The following DNPH1 variants were observed in gnomAD, a reference collection of about 807,000 sequenced individuals.
DNPH1 encodes 5-hydroxymethyl-dUMP N-hydrolase.
Under a neutral mutation model 15.7 loss-of-function variants are expected in DNPH1, and 18 were observed. That is an observed-to-expected ratio of 1.15 (90% CI 0.79 to 1.70). The LOEUF (loss-of-function observed/expected upper bound fraction) is 1.70. Among genes scored for constraint, DNPH1 ranks in the 40% most tolerant of loss-of-function variants. The pLI, the probability that DNPH1 is intolerant of heterozygous loss-of-function variation, is 0.00. For synonymous variants in DNPH1, 114 were observed against 107.9 expected (o/e 1.06, Z -0.35); for missense variants, 262 against 255.2 (o/e 1.03, Z -0.18).
chr6:43,229,120 A>T lies in DNPH1; in HGVS notation c.196+141T>A, dbSNP rs939592545. The T allele has an allele frequency of 6.6e-6, 6 of 915,400 alleles. No individual in the cohort carries two copies. In the Admixed American group the frequency reaches 1.0e-4, roughly 16 times the overall value. The allele number at this position is 915,400 out of a possible 1,614,324, so 56.7% of individuals were successfully genotyped here. A position where few individuals can be genotyped will look rare whatever the true frequency, so the allele number is the denominator to read the frequency against. On this transcript the variant is annotated intron_variant, in intron 1 of 3. Transcript: ENST00000230431. ...TTTCCTTCTCGGGCTGGGGCGCTGG[A>T]TGGAGCACCGGGGTAGGAGGGCGGG... is the stretch of plus-strand genomic sequence containing the variant.
rs762395628 is a variant in DNPH1 at position 43,225,962 on chromosome 6, TCAGAG to T, written c.376+66_376+70del. Reference sequence around the variant, plus strand: ...TTACCCCTTGGGAGAGGCGCGGTGCTCAGAGCCCACCAGGGAAGGAGCTGAGGGCT... The same window carrying T: ...TTACCCCTTGGGAGAGGCGCGGTGCTCCCACCAGGGAAGGAGCTGAGGGCT... On this transcript the variant is annotated intron_variant, in intron 3 of 3. Coordinates refer to ENST00000230431, the MANE Select transcript of DNPH1 (RefSeq NM_006443.3). 3 of 1,613,204 alleles carry T rather than the reference TCAGAG, an allele frequency of 1.9e-6. No individual in the cohort carries two copies. The South Asian group carries it at 3.3e-5, about 18-fold the overall frequency.
At chr6:43,229,171 C>G in intron 1 of DNPH1, 90 bp downstream of exon 1, 1 of 1,233,890 alleles carries the variant, frequency 8.1e-7, no homozygotes, top group South Asian at 1.8e-5. Flanking sequence ...GCGCAGCTGC[C>G]GGGGGTCGGG....
chr6:43,229,265 C>A lies in DNPH1; in HGVS notation c.192G>T (p.Ala64=). The part of the protein sequence containing the change: ...TEHVAAAELG[A]RGEEAAGGDR... ...CCCGCGGCCCCAGGGCCTCACCGCG[C>A]GCGCCCAGCTCGGCGGCCGCCACGT... Residue 64 remains alanine, a synonymous_variant, in exon 1 of 4, where the codon GCG becomes GCT. Transcript: ENST00000230431. The A allele has an allele frequency of 7.0e-7, 1 of 1,422,888 alleles. No individual in the cohort carries two copies. The highest frequency in any genetic ancestry group is 1.4e-5 in the South Asian group (1 of 70,514). The allele number at this position is 1,422,888 out of a possible 1,614,324, so 88.1% of individuals were successfully genotyped here.
chr6:43,229,361 T>A lies in DNPH1; in HGVS notation c.96A>T (p.Gly32=). ...ALYFCGSIRG[G]REDRTLYERI... is the part of the protein sequence containing the mutation. Reference sequence around the variant, plus strand: ...GCTCGTACAGCGTCCTGTCCTCGCGTCCGCCGCGAATGCTCCCGCAGAAGT... The same window carrying A: ...GCTCGTACAGCGTCCTGTCCTCGCGACCGCCGCGAATGCTCCCGCAGAAGT... The change falls in exon 1 of 4, where the codon GGA becomes GGT. Residue 32 remains glycine (G), a synonymous_variant. Coordinates refer to ENST00000230431, the MANE Select transcript of DNPH1 (RefSeq NM_006443.3). 3.4e-6 allele frequency: 5 copies of A among 1,486,340 alleles called. No individual in the cohort carries two copies. Among genetic ancestry groups the A allele is most frequent in the Non-Finnish European group, 4.5e-6 (5 of 1,119,770 alleles). 92.1% of individuals were successfully genotyped at this position (1,486,340 alleles called of 1,614,324 possible).
Position 43,226,569 on chromosome 6 carries a change from A to G in DNPH1, c.197-174T>C. On this transcript the variant is annotated intron_variant, in intron 1 of 3. Transcript: ENST00000230431. This position sits in a 1 kb window ranked among gnomAD's most constrained non-coding sequence, Gnocchi z 4.1. ...GCGAGGAAATGGAATAGCCACAAAA[A>G]GAAAAATTCAACCCTATGCAAGGTG... 1.6e-6 allele frequency: 1 copy of G among 607,306 alleles called. No homozygotes were observed. Among genetic ancestry groups the G allele is most frequent in the East Asian group, 2.9e-5 (1 of 34,982 alleles). The allele number at this position is 607,306 out of a possible 1,614,324, so 37.6% of individuals were successfully genotyped here. A position where few individuals can be genotyped will look rare whatever the true frequency, so the allele number is the denominator to read the frequency against.
rs1250639318 is a variant in DNPH1, at chr6:43,226,401, T to C, written c.197-6A>G. ...ACCCCCAGCAGCCTCTTCCCCTGTG[T>C]TGAGGGAAAGCTGGTCAAGGACATG... On this transcript the variant is annotated splice_polypyrimidine_tract_variant and splice_region_variant and intron_variant, in intron 1 of 3. Coordinates refer to ENST00000230431, the MANE Select transcript of DNPH1 (RefSeq NM_006443.3). This position sits in a 1 kb window ranked among gnomAD's most constrained non-coding sequence, Gnocchi z 4.1. 1 of 1,610,970 alleles carries C rather than the reference T, an allele frequency of 6.2e-7. No homozygotes were observed. Among genetic ancestry groups the C allele is most frequent in the Non-Finnish European group, 8.5e-7 (1 of 1,179,344 alleles).
Position 43,226,081 on chromosome 6 carries a change from C to A in DNPH1, c.328G>T (p.Ala110Ser). 2 of 1,613,686 alleles carry A rather than the reference C, an allele frequency of 1.2e-6. No individual in the cohort carries two copies. Among genetic ancestry groups the A allele is most frequent in the Non-Finnish European group, 1.7e-6 (2 of 1,179,996 alleles). ...AGGCACAGGATCCGCTTGTTAAAGG[C>A]CACGGCCCGGCCCAGCTCATAGCCT... ...GVGYELGRAV[A>S]FNKRILCLFR... The change falls in exon 3 of 4, where the codon GCC becomes TCC. Residue 110 changes from alanine (A) to serine (S), a missense_variant. Ala to Ser is a moderately conservative substitution (Grantham distance 99). Coordinates refer to ENST00000230431, the MANE Select transcript of DNPH1 (RefSeq NM_006443.3). This position sits in a 1 kb window ranked among gnomAD's most constrained non-coding sequence, Gnocchi z 4.1.
At position 43,226,299 on chromosome 6, in the gene DNPH1, GGTGCTGGAAGGAGGGA is replaced by G. The variant is rs750275052; in HGVS notation, c.265+12_265+27del. 1.4e-5 allele frequency: 23 copies of G among 1,609,542 alleles called. No individual in the cohort carries two copies. In the Admixed American group the frequency reaches 1.7e-4, roughly 12 times the overall value. On this transcript the variant is annotated intron_variant, in intron 2 of 3. Coordinates refer to ENST00000230431, the MANE Select transcript of DNPH1 (RefSeq NM_006443.3). This position sits in a 1 kb window ranked among gnomAD's most constrained non-coding sequence, Gnocchi z 4.1. Reference sequence around the variant, plus strand: ...GGAACCCAGCACTCCAGAGGAGTTAGGTGCTGGAAGGAGGGAGCGCCACTCACCGTCCGCCTGCTGC... The same window carrying G: ...GGAACCCAGCACTCCAGAGGAGTTAGGCGCCACTCACCGTCCGCCTGCTGC...
chr6:43,226,341 A>G lies in DNPH1; in HGVS notation c.251T>C (p.Leu84Pro). The G allele has an allele frequency of 6.2e-7, 1 of 1,612,882 alleles. No individual in the cohort carries two copies. The highest frequency in any genetic ancestry group is 8.5e-7 in the Non-Finnish European group (1 of 1,179,944). The stretch of plus-strand genomic sequence containing the variant: ...GCGCCACTCACCGTCCGCCTGCTGC[A>G]GCCACTCCAGGTCCTGCTCATGGAT... ...RLIHEQDLEWLQQADVVVAEV... is the reference protein window; with the variant it reads ...RLIHEQDLEWPQQADVVVAEV... Residue 84 changes from leucine to proline, a missense_variant, in exon 2 of 4, where the codon CTG becomes CCG. Coordinates refer to ENST00000230431, the MANE Select transcript of DNPH1 (RefSeq NM_006443.3). This position sits in a 1 kb window ranked among gnomAD's most constrained non-coding sequence, Gnocchi z 4.1.
chr6:43,227,780 G>C (rs1315479203), intron 1 of DNPH1, among the ~76,000 whole-genome samples: 1 of 151,964 alleles, frequency 6.6e-6, no homozygotes, highest in Non-Finnish European at 1.5e-5. Flanking sequence ...TTCCAGACCA[G>C]CACATCAAAT....
Position 43,225,734 on chromosome 6 carries a change from C to CAA in DNPH1, c.522_523dup (p.Ter175PhefsTer8). 1 of 1,614,036 alleles carries CAA rather than the reference C, an allele frequency of 6.2e-7. No homozygotes were observed. Among genetic ancestry groups the CAA allele is most frequent in the Non-Finnish European group, 8.5e-7 (1 of 1,180,018 alleles). On this transcript the variant is annotated frameshift_variant and stop_lost, in exon 4 of 4. Transcript: ENST00000230431. LOFTEE classifies it high-confidence loss of function. Reference sequence around the variant, plus strand: ...AGAATTTAAGAAAGTGAGATTAAGTCAAGTGGTTGGGTCAGGGGAGGCAGC... The same window carrying CAA: ...AGAATTTAAGAAAGTGAGATTAAGTCAAAAGTGGTTGGGTCAGGGGAGGCAGC...
At position 43,226,139 on chromosome 6, in the gene DNPH1, G is replaced by C; in HGVS notation, c.270C>G (p.Val90=). Residue 90 remains valine, a synonymous_variant, in exon 3 of 4, where the codon GTC becomes GTG. Coordinates refer to ENST00000230431, the MANE Select transcript of DNPH1 (RefSeq NM_006443.3). The surrounding 1 kb of genome is among the most constrained non-coding windows in gnomAD (Gnocchi z 4.1). ...DLEWLQQADV[V]VAEVTQPSLG... ...AGGATGGCTGTGTCACTTCTGCCAC[G>C]ACCACTGGGAGGAAAGATGAGAGGA... 1 of 1,612,908 alleles carries C rather than the reference G, an allele frequency of 6.2e-7. No individual in the cohort carries two copies.
At chr6:43,229,106 G>T in intron 1 of DNPH1, 155 bp downstream of exon 1, 2 of 805,974 alleles carry the variant, frequency 2.5e-6, no homozygotes, top group Non-Finnish European at 3.7e-6. Flanking sequence ...TTCCTTCTCG[G>T]GCTGGGGCGC....
intron 1 of DNPH1, among the ~76,000 whole-genome samples, chr6:43,227,091 A>G (rs1776754045): frequency 6.7e-6 from 1 of 150,026 alleles, no homozygotes; most frequent in Non-Finnish European, 1.5e-5. Context: ...TGGGCAACAG[A>G]GCAAAACTCC....
In DNPH1 at chr6:43,229,306, T is replaced by C; in HGVS notation, c.151A>G (p.Thr51Ala). 6.7e-7 allele frequency: 1 copy of C among 1,481,650 alleles called. No individual in the cohort carries two copies. The highest frequency in any genetic ancestry group is 1.3e-5 in the South Asian group (1 of 78,020). 91.8% of individuals were successfully genotyped at this position (1,481,650 alleles called of 1,614,324 possible). Residue 51 changes from threonine to alanine, a missense_variant, in exon 1 of 4, where the codon ACA (threonine) becomes GCA (alanine). By Grantham distance (58) the Thr-to-Ala change is moderately conservative. Transcript: ENST00000230431. ...GCCGCCACGTGCTCGGTGAGCACTG[T>C]CCCGAATCGCCGCAGCCGAGACACG... ...RIVSRLRRFG[T>A]VLTEHVAAAE...
chr6:43,228,228 G>A (rs1472922172), intron 1 of DNPH1, among the ~76,000 whole-genome samples: 6 of 152,074 alleles, frequency 3.9e-5, no homozygotes, highest in East Asian at 1.9e-4. Flanking sequence ...GGCCTGAGGC[G>A]GGAGGATCAC....
Position 43,226,346 on chromosome 6 carries a change from C to T in DNPH1, c.246G>A (p.Glu82=), listed in dbSNP as rs1776740533. ...ACTCACCGTCCGCCTGCTGCAGCCA[C>T]TCCAGGTCCTGCTCATGGATGAGCC... ...GDRLIHEQDL[E]WLQQADVVVA... Residue 82 remains glutamate, a synonymous_variant, in exon 2 of 4, where the codon GAG becomes GAA. Coordinates refer to ENST00000230431, the MANE Select transcript of DNPH1 (RefSeq NM_006443.3). The surrounding 1 kb of genome is among the most constrained non-coding windows in gnomAD (Gnocchi z 4.1). 1.2e-6 allele frequency: 2 copies of T among 1,613,012 alleles called. No homozygotes were observed. Among genetic ancestry groups the T allele is most frequent in the Admixed American group, 3.3e-5 (2 of 60,006 alleles).
chr6:43,226,492 T>A lies in DNPH1; in HGVS notation c.197-97A>T. ...CCATACCCACCCTGCTCAGGGAGGGTGGGAGCCTTGTGCCAGATGACCTGA... is the reference window on the plus strand; with the variant it reads ...CCATACCCACCCTGCTCAGGGAGGGAGGGAGCCTTGTGCCAGATGACCTGA... On this transcript the variant is annotated intron_variant, in intron 1 of 3. Coordinates refer to ENST00000230431, the MANE Select transcript of DNPH1 (RefSeq NM_006443.3). The surrounding 1 kb of genome is among the most constrained non-coding windows in gnomAD (Gnocchi z 4.1). The A allele has an allele frequency of 8.8e-7, 1 of 1,133,592 alleles. No homozygotes were observed. Among genetic ancestry groups the A allele is most frequent in the Non-Finnish European group, 1.2e-6 (1 of 814,458 alleles). 70.2% of individuals were successfully genotyped at this position (1,133,592 alleles called of 1,614,324 possible).
chr6:43,229,297 T>A lies in DNPH1; in HGVS notation c.160A>T (p.Thr54Ser). Residue 54 changes from threonine (T) to serine (S), a missense_variant, in exon 1 of 4, where the codon ACC becomes TCC. Coordinates refer to ENST00000230431, the MANE Select transcript of DNPH1 (RefSeq NM_006443.3). ...AGCTCGGCGGCCGCCACGTGCTCGG[T>A]GAGCACTGTCCCGAATCGCCGCAGC... is the stretch of plus-strand genomic sequence containing the variant. ...SRLRRFGTVL[T>S]EHVAAAELGA... The A allele has an allele frequency of 6.8e-7, 1 of 1,467,928 alleles. No individual in the cohort carries two copies. Among genetic ancestry groups the A allele is most frequent in the South Asian group, 1.3e-5 (1 of 76,422 alleles). 90.9% of individuals were successfully genotyped at this position (1,467,928 alleles called of 1,614,324 possible).
Sources: gnomAD v4.1 joint callset for allele counts (sites outside exome capture counted in the v4.1 genomes callset) on GRCh38, gnomAD v4.1.1 for gene constraint, Gnocchi (gnomAD v3.1) non-coding constraint, MANE v1.5 for transcripts, NCBI Gene and HGNC (gene_info 2026-07-23, HGNC 2026-07-21) for gene names.